Variants in SLC35F3 observed in about 807,000 individuals in gnomAD.
The protein encoded by SLC35F3 is putative thiamine transporter SLC35F3.
Under a neutral mutation model 49.9 loss-of-function variants are expected in SLC35F3, and 25 were observed. The observed-to-expected ratio is 0.50, with a 90% CI of 0.37 to 0.70. The LOEUF (loss-of-function observed/expected upper bound fraction) is 0.70, where lower values mean the gene tolerates loss of function less well. SLC35F3 is among the 30% of genes least tolerant of loss of function. The pLI is 0.00. For synonymous variants in SLC35F3, 275 were observed against 265.4 expected, an observed-to-expected ratio of 1.04 and a Z score of -0.35; for missense variants, 525 against 639.8, an observed-to-expected ratio of 0.82 and a Z score of 1.94.
chr1:234,070,527 A>T (rs1311132114), intron 2 of SLC35F3, among the ~76,000 whole-genome samples: 1 of 152,204 alleles, frequency 6.6e-6, no homozygotes, highest in Non-Finnish European at 1.5e-5. Flanking sequence ...ACTAATTTCC[A>T]GTTTAGCAAA....
chr1:234,167,673 G>A (rs754436167), intron 2 of SLC35F3, among the ~76,000 whole-genome samples: 2 of 152,022 alleles, frequency 1.3e-5, no homozygotes, highest in Non-Finnish European at 2.9e-5. Flanking sequence ...CGTCACAAAC[G>A]CCACTTCATA....
At chr1:233,932,547 C>A (rs1202115096) in intron 2 of SLC35F3, among the ~76,000 whole-genome samples, 2 of 152,138 alleles carry the variant, frequency 1.3e-5, no homozygotes, top group Non-Finnish European at 2.9e-5. Context: ...AATCTATCAT[C>A]TTCTGGGTGG....
At chr1:233,965,783 C>T (rs192868519) in intron 2 of SLC35F3, among the ~76,000 whole-genome samples, 19 of 152,298 alleles carry the variant, frequency 1.2e-4, no homozygotes, top group Non-Finnish European at 2.6e-4. Flanking sequence ...AAGTTGTGTC[C>T]AGATTCCTAA....
intron 2 of SLC35F3, among the ~76,000 whole-genome samples, chr1:234,173,229 G>A (rs1351758468): frequency 1.3e-5 from 2 of 152,178 alleles, no homozygotes; most frequent in African/African-American, 4.8e-5. Context: ...AAATGATCAT[G>A]ATGAAAATAC....
intron 3 of SLC35F3, among the ~76,000 whole-genome samples, chr1:234,232,043 A>G (rs1667387411): frequency 6.6e-6 from 1 of 152,158 alleles, no homozygotes; most frequent in African/African-American, 2.4e-5. Context: ...TAGAAATGGG[A>G]GAACTGTGTA....
At chr1:234,088,717 G>A (rs1488292903) in intron 2 of SLC35F3, among the ~76,000 whole-genome samples, 4 of 152,102 alleles carry the variant, frequency 2.6e-5, no homozygotes, top group African/African-American at 9.7e-5. Flanking sequence ...GACTATTAGG[G>A]ATTTTACACA....
chr1:234,049,063 T>A (rs1664334849), intron 2 of SLC35F3, among the ~76,000 whole-genome samples: 1 of 152,236 alleles, frequency 6.6e-6, no homozygotes. Context: ...CATATTTATA[T>A]GAAACTTTGG....
intron 2 of SLC35F3, among the ~76,000 whole-genome samples, chr1:233,956,819 G>A (rs1464299046): frequency 6.6e-6 from 1 of 152,234 alleles, no homozygotes; most frequent in African/African-American, 2.4e-5. Context: ...GGCGGGTAAA[G>A]AACTGAAGCT....
intron 6 of SLC35F3, 61 bp downstream of exon 6, chr1:234,319,004 G>A: frequency 7.0e-7 from 1 of 1,423,574 alleles, no homozygotes. Flanking sequence ...GGACCCTCAG[G>A]AAACATGTTC....
At chr1:234,305,432 G>C (rs1300693185) in intron 3 of SLC35F3, among the ~76,000 whole-genome samples, 2 of 143,586 alleles carry the variant, frequency 1.4e-5, no homozygotes, top group Non-Finnish European at 3.0e-5. Flanking sequence ...CACCAGGCTA[G>C]AATGCAGTGG....
intron 2 of SLC35F3, among the ~76,000 whole-genome samples, chr1:234,031,391 G>A (rs981212854): frequency 6.6e-6 from 1 of 152,158 alleles, no homozygotes; most frequent in Admixed American, 6.5e-5. Context: ...TCCAGGCTGC[G>A]TATCAATGAA....
At chr1:234,133,731 C>G (rs1180187715) in intron 2 of SLC35F3, among the ~76,000 whole-genome samples, 1 of 152,180 alleles carries the variant, frequency 6.6e-6, no homozygotes, top group African/African-American at 2.4e-5. Flanking sequence ...AGGCCATAAC[C>G]CTCTTTTCTG....
At chr1:234,173,251 A>G (rs1016653682) in intron 2 of SLC35F3, among the ~76,000 whole-genome samples, 4 of 152,188 alleles carry the variant, frequency 2.6e-5, no homozygotes, top group African/African-American at 9.7e-5. Flanking sequence ...AAATACTTAT[A>G]TAGGATTATT....
At chr1:234,087,150 G>T (rs562964960) in intron 2 of SLC35F3, among the ~76,000 whole-genome samples, 2 of 152,282 alleles carry the variant, frequency 1.3e-5, no homozygotes, top group East Asian at 3.9e-4. Flanking sequence ...CACCACCACT[G>T]CTTCCAAGCC....
intron 3 of SLC35F3, among the ~76,000 whole-genome samples, chr1:234,237,560 A>AT (rs1572109006): frequency 1.3e-5 from 2 of 152,168 alleles, no homozygotes; most frequent in East Asian, 3.9e-4. Context: ...CAGGCCTCAC[A>AT]TTTCAGAAAG....
At chr1:234,247,139 G>T (rs1325118460) in intron 3 of SLC35F3, among the ~76,000 whole-genome samples, 1 of 152,230 alleles carries the variant, frequency 6.6e-6, no homozygotes, top group African/African-American at 2.4e-5. Flanking sequence ...CAAGTTGTAT[G>T]GGAAGGTTGG....
At position 234,323,073 on chromosome 1, in the gene SLC35F3, G is replaced by T; in HGVS notation, c.1303G>T (p.Gly435Cys). 1 of 1,614,050 alleles carries T rather than the reference G, an allele frequency of 6.2e-7. No individual in the cohort carries two copies. Among genetic ancestry groups the T allele is most frequent in the Non-Finnish European group, 8.5e-7 (1 of 1,180,020 alleles). Residue 435 changes from glycine (G) to cysteine (C), a missense_variant, in exon 8 of 8, where the codon GGC becomes TGC. Coordinates refer to ENST00000366618, the MANE Select transcript of SLC35F3 (RefSeq NM_173508.4). The surrounding 1 kb of genome is among the most constrained non-coding windows in gnomAD (Gnocchi z 4.5). ...GVRVIAIIII[G>C]LGFLLLLLPE... Reference sequence around the variant, plus strand: ...CCGGGTCATCGCCATCATCATCATCGGCCTGGGTTTTCTCCTCCTGCTCCT... The same window carrying T: ...CCGGGTCATCGCCATCATCATCATCTGCCTGGGTTTTCTCCTCCTGCTCCT...
chr1:234,216,611 C>T (rs1015733953), intron 2 of SLC35F3, among the ~76,000 whole-genome samples: 1 of 152,226 alleles, frequency 6.6e-6, no homozygotes, highest in African/African-American at 2.4e-5. Flanking sequence ...ACGGGCTTGG[C>T]TTTGGAACTA....
At chr1:234,316,349 C>A (rs1263259965) in intron 4 of SLC35F3, among the ~76,000 whole-genome samples, 1 of 152,190 alleles carries the variant, frequency 6.6e-6, no homozygotes, top group Non-Finnish European at 1.5e-5. Context: ...CACCATGCCA[C>A]CCATTCCCTG....
Sources: gnomAD v4.1 joint callset for allele counts (sites outside exome capture counted in the v4.1 genomes callset) on GRCh38, gnomAD v4.1.1 for gene constraint, Gnocchi (gnomAD v3.1) non-coding constraint, MANE v1.5 for transcripts, NCBI Gene and HGNC (gene_info 2026-07-23, HGNC 2026-07-21) for gene names.